Variants in DNAJC5B observed in about 807,000 individuals in gnomAD.
The protein encoded by DNAJC5B is dnaJ homolog subfamily C member 5B.
DNAJC5B carries 23 observed loss-of-function variants against 24.7 expected under a neutral mutation model. The observed-to-expected ratio is 0.93, with a 90% CI of 0.67 to 1.32. The LOEUF (loss-of-function observed/expected upper bound fraction) is 1.32, where lower values mean the gene tolerates loss of function less well. Ranked by LOEUF, DNAJC5B falls within the 40% of genes most tolerant of loss-of-function variation. The pLI is 0.00. For synonymous variants in DNAJC5B, 101 were observed against 90.1 expected (o/e 1.12, Z -0.68); for missense variants, 238 against 240.8 (o/e 0.99, Z 0.08).
chr8:66,017,977 C>G (rs1805998242), upstream of DNAJC5B, among the ~76,000 whole-genome samples: 3 of 152,174 alleles, frequency 2.0e-5, no homozygotes, highest in Non-Finnish European at 4.4e-5. Flanking sequence ...CGTAAAGACT[C>G]AAGGTCCAAA....
rs541556594 is a variant in DNAJC5B at position 66,100,654 on chromosome 8, A to T, written c.*623A>T. The T allele has an allele frequency of 4.6e-5, 7 of 152,344 alleles. No homozygotes were observed. The highest frequency in any genetic ancestry group is 1.7e-4 in the African/African-American group (7 of 41,574). The allele number at this position is 152,344 out of a possible 1,614,324, so 9.4% of individuals were successfully genotyped here. ...GTACTTTTAGATTGGCTTAAAAACA[A>T]AACAAAACAAAACTTCAACCTGGTT... On this transcript the variant is annotated 3_prime_UTR_variant, in exon 6 of 6. Transcript: ENST00000276570.
At chr8:66,022,331 T>C (rs1178867521) in intron 1 of DNAJC5B, among the ~76,000 whole-genome samples, 1 of 152,188 alleles carries the variant, frequency 6.6e-6, no homozygotes, top group Non-Finnish European at 1.5e-5. Flanking sequence ...CCTGAGAGGC[T>C]CTGAGTGACG....
intron 3 of DNAJC5B, among the ~76,000 whole-genome samples, chr8:66,060,390 G>T (rs947263381): frequency 2.0e-5 from 3 of 152,214 alleles, no homozygotes; most frequent in African/African-American, 7.2e-5. Context: ...GCCGTGGCTT[G>T]TATTCCTTTC....
At chr8:66,031,622 A>G (rs1266625476) in intron 1 of DNAJC5B, among the ~76,000 whole-genome samples, 1 of 152,222 alleles carries the variant, frequency 6.6e-6, no homozygotes, top group Non-Finnish European at 1.5e-5. Context: ...ATCTGCACTC[A>G]GCATGCCTGA....
intron 2 of DNAJC5B, 50 bp from the exon 3 acceptor site, chr8:66,051,481 A>G: frequency 1.9e-6 from 2 of 1,055,120 alleles, no homozygotes; most frequent in Non-Finnish European, 2.9e-6. Flanking sequence ...TCCCCTTTAG[A>G]GAGTGGGAAG....
intron 4 of DNAJC5B, among the ~76,000 whole-genome samples, chr8:66,077,706 G>A (rs1807501513): frequency 6.6e-6 from 1 of 152,194 alleles, no homozygotes. Context: ...TTTACTAGTA[G>A]TATCTGTTTG....
intron 3 of DNAJC5B, among the ~76,000 whole-genome samples, chr8:66,073,660 C>T (rs1807398930): frequency 6.6e-6 from 1 of 152,138 alleles, no homozygotes; most frequent in African/African-American, 2.4e-5. Context: ...ACATGTTAGA[C>T]TGTTATTGGC....
In DNAJC5B at chr8:66,097,952, C is replaced by T. The variant is rs529705413; in HGVS notation, c.506-1985C>T. The stretch of plus-strand genomic sequence containing the variant: ...GCAACCTCCACCTCCTGGGTTCAAG[C>T]GATTCTCCTGCCCCAGCCTCCCAAA... On this transcript the variant is annotated intron_variant, in intron 5 of 5. Transcript: ENST00000276570. Among the ~76,000 whole-genome samples, 23 of 152,000 alleles carry T rather than the reference C, an allele frequency of 1.5e-4. No homozygotes were observed. The East Asian group carries it at 3.3e-3, about 22-fold the overall frequency.
chr8:66,060,528 G>A (rs971338462), intron 3 of DNAJC5B, among the ~76,000 whole-genome samples: 2 of 152,202 alleles, frequency 1.3e-5, no homozygotes, highest in Non-Finnish European at 2.9e-5. Context: ...CAGCCCTACC[G>A]TATTCCTGCA....
rs1806213186 is a variant in DNAJC5B at position 66,024,498 on chromosome 8, C to T, written c.-142+2793C>T. 2.4e-5 allele frequency among the ~76,000 whole-genome samples: 3 copies of T among 125,554 alleles called. No homozygotes were observed. The Admixed American group carries it at 2.4e-4, about 10-fold the overall frequency. 82.4% of individuals were successfully genotyped at this position (125,554 alleles called of 152,430 possible). ...TGTGCAGGTTAGTTACATATGTATACATGTGCCACGCTGGTGCGCTGCACC... is the reference window on the plus strand; with the variant it reads ...TGTGCAGGTTAGTTACATATGTATATATGTGCCACGCTGGTGCGCTGCACC... On this transcript the variant is annotated intron_variant, in intron 1 of 5. Coordinates refer to ENST00000276570, the MANE Select transcript of DNAJC5B (RefSeq NM_033105.6).
intron 2 of DNAJC5B, among the ~76,000 whole-genome samples, chr8:66,045,629 C>T (rs1806706547): frequency 1.3e-5 from 2 of 151,400 alleles, no homozygotes; most frequent in African/African-American, 2.5e-5. Flanking sequence ...CAGAGAAAGA[C>T]AGGCTCCAGG....
At chr8:66,094,749 G>A (rs868524320) in intron 5 of DNAJC5B, among the ~76,000 whole-genome samples, 3 of 152,100 alleles carry the variant, frequency 2.0e-5, no homozygotes, top group East Asian at 1.9e-4. Flanking sequence ...TAGGTTTGCC[G>A]TAGGTTTTTG....
chr8:66,037,823 A>G (rs1806521736), intron 1 of DNAJC5B, among the ~76,000 whole-genome samples: 1 of 152,266 alleles, frequency 6.6e-6, no homozygotes, highest in Admixed American at 6.5e-5. Context: ...GAAAACTTCA[A>G]CAAAATGAGG....
At chr8:66,048,167 C>A (rs117149942) in intron 2 of DNAJC5B, among the ~76,000 whole-genome samples, 4,911 of 152,268 alleles carry the variant, frequency 0.032, 111 homozygotes, top group Non-Finnish European at 0.045. Flanking sequence ...CTCTTCCTGC[C>A]CCTTGCTGGT....
chr8:66,031,659 T>A (rs78508744), intron 1 of DNAJC5B, among the ~76,000 whole-genome samples: 8,402 of 152,262 alleles, frequency 0.055, 342 homozygotes, highest in Middle Eastern at 0.11. Flanking sequence ...ATGTTTCAGT[T>A]TGAGTCTGGA....
upstream of DNAJC5B, among the ~76,000 whole-genome samples, chr8:66,018,798 G>A (rs1395756638): frequency 6.6e-6 from 1 of 152,158 alleles, no homozygotes; most frequent in African/African-American, 2.4e-5. Context: ...CACAATTTGA[G>A]AAATTCTGCC....
At chr8:66,041,372 T>C (rs568188429) in intron 1 of DNAJC5B, among the ~76,000 whole-genome samples, 41 of 152,374 alleles carry the variant, frequency 2.7e-4, no homozygotes, top group Admixed American at 1.2e-3. Context: ...AATATTCAAA[T>C]AATTGATCTG....
chr8:66,041,271 C>T (rs530876584), intron 1 of DNAJC5B, among the ~76,000 whole-genome samples: 2 of 152,220 alleles, frequency 1.3e-5, no homozygotes, highest in East Asian at 3.9e-4. Flanking sequence ...ATCACATGTT[C>T]GAAACAAGTG....
intron 1 of DNAJC5B, among the ~76,000 whole-genome samples, chr8:66,022,192 C>A (rs1044890454): frequency 1.4e-4 from 21 of 152,108 alleles, no homozygotes; most frequent in African/African-American, 5.1e-4. Context: ...ATATACCGGA[C>A]CCCCCACCCC....
Sources: gnomAD v4.1 joint callset for allele counts (sites outside exome capture counted in the v4.1 genomes callset) on GRCh38, gnomAD v4.1.1 for gene constraint, MANE v1.5 for transcripts, NCBI Gene and HGNC (gene_info 2026-07-23, HGNC 2026-07-21) for gene names.